The following DPYD variants were observed in gnomAD, a reference collection of about 807,000 sequenced individuals.
DPYD encodes the protein dihydropyrimidine dehydrogenase [NADP(+)].
A neutral mutation model predicts 116.2 loss-of-function variants in DPYD; 109 were observed. That is an observed-to-expected ratio of 0.94 (90% CI 0.80 to 1.10). The LOEUF is 1.10. Among genes scored for constraint, DPYD ranks in the 50% least tolerant of loss-of-function variants. The pLI, the probability that DPYD is intolerant of heterozygous loss-of-function variation, is 0.00. For synonymous variants in DPYD, 440 were observed against 432.0 expected, an observed-to-expected ratio of 1.02 and a Z score of -0.23; for missense variants, 1,302 against 1,254.5, an observed-to-expected ratio of 1.04 and a Z score of -0.57.
intron 10 of DPYD, among the ~76,000 whole-genome samples, chr1:97,586,465 C>CATATATAT (rs57301424): frequency 2.9e-4 from 10 of 34,322 alleles, no homozygotes; most frequent in Non-Finnish European, 4.4e-4. Flanking sequence ...TACATACATA[C>CATATATAT]ATATATATAT....
At chr1:97,683,209 T>A (rs896164220) in intron 7 of DPYD, among the ~76,000 whole-genome samples, 1 of 151,908 alleles carries the variant, frequency 6.6e-6, no homozygotes, top group Non-Finnish European at 1.5e-5. Flanking sequence ...AATGAAGAAA[T>A]TTTGAAAGTA....
chr1:97,203,642 A>G (rs1265306150), intron 19 of DPYD, among the ~76,000 whole-genome samples: 2 of 144,022 alleles, frequency 1.4e-5, no homozygotes, highest in Non-Finnish European at 3.0e-5. Flanking sequence ...AATAAAAAAA[A>G]TAATAAAGGA....
rs547768898 is a variant in DPYD at position 97,227,774 on chromosome 1, T to C, written c.2442+7078A>G. Among the ~76,000 whole-genome samples the C allele has an allele frequency of 4.7e-4, 72 of 152,220 alleles. No homozygotes were observed. In the Middle Eastern group the frequency reaches 0.01, roughly 22 times the overall value. Reference sequence around the variant, plus strand: ...GAAGGTAGCACTATATACCGAAGTATGTTGAGATGCAAAATGTATTTTGGT... The same window carrying C: ...GAAGGTAGCACTATATACCGAAGTACGTTGAGATGCAAAATGTATTTTGGT... On this transcript the variant is annotated intron_variant, in intron 19 of 22. Transcript: ENST00000370192.
At chr1:97,488,836 C>G (rs1279201365) in intron 13 of DPYD, among the ~76,000 whole-genome samples, 2 of 152,198 alleles carry the variant, frequency 1.3e-5, no homozygotes, top group Non-Finnish European at 2.9e-5. Context: ...CATAATCTGC[C>G]ACTTAATTTG....
At chr1:97,788,963 C>G (rs917579212) in intron 3 of DPYD, among the ~76,000 whole-genome samples, 1 of 151,952 alleles carries the variant, frequency 6.6e-6, no homozygotes, top group Non-Finnish European at 1.5e-5. Flanking sequence ...ACCACCATGC[C>G]CGGCTAATTT....
intron 18 of DPYD, among the ~76,000 whole-genome samples, chr1:97,294,602 T>C (rs1666409217): frequency 6.6e-6 from 1 of 152,206 alleles, no homozygotes; most frequent in Non-Finnish European, 1.5e-5. Flanking sequence ...ATTTGTAACT[T>C]ACTCAGGATT....
rs754317478 is a variant in DPYD at position 97,691,774 on chromosome 1, C to T, written c.705G>A (p.Arg235=). The change falls in exon 7 of 23, where the codon CGG becomes CGA. Residue 235 remains arginine, a synonymous_variant. Coordinates refer to ENST00000370192, the MANE Select transcript of DPYD (RefSeq NM_000110.4). The stretch of plus-strand genomic sequence containing the variant: ...CAAAATTCACTACATCATACGGCAG[C>T]CGGAACTGAGGAATTTCAGAAGTAC... ...GLSTSEIPQF[R]LPYDVVNFEI... 2.5e-6 allele frequency: 4 copies of T among 1,613,386 alleles called. No individual in the cohort carries two copies. The highest frequency in any genetic ancestry group is 3.4e-6 in the Non-Finnish European group (4 of 1,179,730).
chr1:97,793,122 G>C (rs114154951), intron 3 of DPYD, among the ~76,000 whole-genome samples: 164 of 152,186 alleles, frequency 1.1e-3, no homozygotes, highest in African/African-American at 3.6e-3. Context: ...TCTATATAGT[G>C]TACTGTCTCT....
chr1:97,677,809 T>C (rs1660225303), intron 8 of DPYD, among the ~76,000 whole-genome samples: 1 of 152,096 alleles, frequency 6.6e-6, no homozygotes, highest in South Asian at 2.1e-4. Flanking sequence ...GAAATGGCAT[T>C]TTGATAAGAA....
Position 97,699,500 on chromosome 1 carries a change from A to C in DPYD, c.531T>G (p.Pro177=), listed in dbSNP as rs774411340. The change falls in exon 6 of 23, where the codon CCT becomes CCG. Residue 177 remains proline, a synonymous_variant. Coordinates refer to ENST00000370192, the MANE Select transcript of DPYD (RefSeq NM_000110.4). ...SIPQIRNPSL[P]PPEKMSEAYS... ...AGGCTTCAGACATTTTTTCTGGGGG[A>C]GGCAGCGAAGGATTTCTGATCTGTG... 1.1e-5 allele frequency: 18 copies of C among 1,613,352 alleles called. No individual in the cohort carries two copies. The South Asian group carries it at 1.9e-4, about 17-fold the overall frequency.
chr1:97,159,668 T>C (rs933064781), intron 20 of DPYD, among the ~76,000 whole-genome samples: 1 of 152,070 alleles, frequency 6.6e-6, no homozygotes. Context: ...CAGAAACTAT[T>C]CAGGGGGCAA....
rs1352425039 is a variant in DPYD, at chr1:97,088,839, T to G, written c.2767-6369A>C. Among the ~76,000 whole-genome samples, 4 of 152,308 alleles carry G rather than the reference T, an allele frequency of 2.6e-5. No homozygotes were observed. The East Asian group carries it at 7.7e-4, about 29-fold the overall frequency. ...TCTCTTCAGTTTTTAAAGTTCAGTT[T>G]GATAATTTTCATCTGCTATGTGTTG... On this transcript the variant is annotated intron_variant, in intron 21 of 22. Coordinates refer to ENST00000370192, the MANE Select transcript of DPYD (RefSeq NM_000110.4).
intron 18 of DPYD, among the ~76,000 whole-genome samples, chr1:97,284,973 G>C (rs1665569686): frequency 6.6e-6 from 1 of 152,078 alleles, no homozygotes; most frequent in Non-Finnish European, 1.5e-5. Context: ...TTTTCTGTCT[G>C]CTTGTTTGGG....
At chr1:97,554,102 T>C (rs1651516888) in intron 11 of DPYD, among the ~76,000 whole-genome samples, 1 of 152,132 alleles carries the variant, frequency 6.6e-6, no homozygotes, top group African/African-American at 2.4e-5. Context: ...TATACAGACT[T>C]AATGGTATTG....
intron 3 of DPYD, among the ~76,000 whole-genome samples, chr1:97,768,150 T>G (rs1665962415): frequency 6.6e-6 from 1 of 152,190 alleles, no homozygotes. Flanking sequence ...ATGTATCTCT[T>G]CCTAATTATG....
intron 3 of DPYD, 33 bp from the exon 4 acceptor site, chr1:97,740,512 C>T (rs993950202): frequency 5.2e-6 from 8 of 1,551,162 alleles, no homozygotes; most frequent in African/African-American, 1.4e-5. Flanking sequence ...TAAGAAACTA[C>T]AAGATAAGTG....
At chr1:97,488,597 G>A (rs879937439) in intron 13 of DPYD, among the ~76,000 whole-genome samples, 1 of 152,130 alleles carries the variant, frequency 6.6e-6, no homozygotes, top group African/African-American at 2.4e-5. Context: ...AGGTAACACT[G>A]AGGTAGGAGG....
chr1:97,561,691 T>C (rs1003484006), intron 11 of DPYD, among the ~76,000 whole-genome samples: 3 of 152,202 alleles, frequency 2.0e-5, no homozygotes, highest in Admixed American at 6.5e-5. Flanking sequence ...TAAAAACATT[T>C]CATGAATTAG....
intron 20 of DPYD, among the ~76,000 whole-genome samples, chr1:97,101,775 A>G (rs569245238): frequency 6.6e-6 from 1 of 152,172 alleles, no homozygotes; most frequent in South Asian, 2.1e-4. Context: ...GCGTCATGCT[A>G]TATTTCTTAA....
Sources: allele counts gnomAD v4.1 joint callset (sites outside exome capture counted in the v4.1 genomes callset), GRCh38; gene constraint gnomAD v4.1.1; transcripts MANE v1.5; gene names NCBI Gene and HGNC (gene_info 2026-07-23, HGNC 2026-07-21).